The following SHISA9 variants were observed in gnomAD, a reference collection of about 807,000 sequenced individuals.
SHISA9 encodes protein shisa-9.
In SHISA9, 13 loss-of-function variants were observed where a neutral mutation model predicts 38.0. The observed-to-expected ratio is 0.34, with a 90% CI of 0.22 to 0.54. The LOEUF (loss-of-function observed/expected upper bound fraction) is 0.54. Among genes scored for constraint, SHISA9 ranks in the 20% least tolerant of loss-of-function variants. SHISA9 has a pLI of 0.91. For synonymous variants in SHISA9, 275 were observed against 242.0 expected (o/e 1.14, Z -1.27); for missense variants, 538 against 575.8 (o/e 0.93, Z 0.67).
At chr16:13,450,772 TTTGTTGTTGTTG>T in the SHISA9 span, among the ~76,000 whole-genome samples, 74 of 152,064 alleles carry the variant, frequency 4.9e-4, no homozygotes, top group African/African-American at 1.6e-3. Flanking sequence ...GTGTTGTTGT[TTTGTTGTTGTTG>T]TTGTTGTTGT....
At chr16:13,270,684 C>T in the SHISA9 span, among the ~76,000 whole-genome samples, 1 of 152,050 alleles carries the variant, frequency 6.6e-6, no homozygotes, top group Non-Finnish European at 1.5e-5. Flanking sequence ...AGCTGAAGAT[C>T]AATATCTGAA....
the SHISA9 span, among the ~76,000 whole-genome samples, chr16:13,494,510 A>G: frequency 7.9e-5 from 12 of 152,330 alleles, no homozygotes; most frequent in Admixed American, 2.0e-4. Context: ...ATAAATGAAA[A>G]GGAACGTTGC....
At chr16:13,051,054 C>T (rs1031093376) in intron 2 of SHISA9, among the ~76,000 whole-genome samples, 6 of 152,128 alleles carry the variant, frequency 3.9e-5, no homozygotes, top group African/African-American at 1.4e-4. Context: ...GTGAATATTC[C>T]TTGAGGTGAC....
At chr16:12,970,495 ATATTTTTTTTTTTTTTTTT>A (rs1179833094) in intron 2 of SHISA9, among the ~76,000 whole-genome samples, 1 of 24,642 alleles carries the variant, frequency 4.1e-5, no homozygotes, top group African/African-American at 1.5e-4. Flanking sequence ...ATATATATAT[ATATTTTTTTTTTTTTTTTT>A]TTTTTTTTTT....
chr16:12,951,689 T>A (rs2071759740), intron 2 of SHISA9, among the ~76,000 whole-genome samples: 1 of 152,152 alleles, frequency 6.6e-6, no homozygotes, highest in East Asian at 1.9e-4. Flanking sequence ...CACCAGTGTG[T>A]CCTCTATAGT....
rs557276646 is a variant in SHISA9, at chr16:13,065,930, A to G, written c.692-137464A>G. Among the ~76,000 whole-genome samples the G allele has an allele frequency of 3.3e-5, 5 of 152,344 alleles. 1 individual carries two copies. The highest frequency in any genetic ancestry group is 4.1e-4 in the South Asian group (2 of 4,832). On this transcript the variant is annotated intron_variant, in intron 2 of 4. Transcript: ENST00000558583. Reference sequence around the variant, plus strand: ...ATGAACTGTCTTTTATGCCAGGGTCATTAATAATTTATCCTAGTCACCTGG... The same window carrying G: ...ATGAACTGTCTTTTATGCCAGGGTCGTTAATAATTTATCCTAGTCACCTGG...
chr16:12,929,638 G>A (rs892741736), intron 2 of SHISA9, among the ~76,000 whole-genome samples: 26 of 152,092 alleles, frequency 1.7e-4, no homozygotes, highest in African/African-American at 4.8e-4. Context: ...GGGGCCTCTC[G>A]GGGGTTGGGA....
chr16:13,144,108 G>C (rs550085353), intron 2 of SHISA9, among the ~76,000 whole-genome samples: 24 of 150,022 alleles, frequency 1.6e-4, no homozygotes, highest in African/African-American at 5.4e-4. Context: ...AGATGAATTA[G>C]TGTAATATCC....
chr16:13,235,715 T>G lies in SHISA9; in HGVS notation c.*306T>G. 2.9e-6 allele frequency: 1 copy of G among 339,466 alleles called. No homozygotes were observed. Among genetic ancestry groups the G allele is most frequent in the East Asian group, 4.9e-5 (1 of 20,440 alleles). The allele number at this position is 339,466 out of a possible 1,614,324, so 21.0% of individuals were successfully genotyped here. ...AACTCACATGCCCAAACCGTGGGGC[T>G]GAGTTTTCTTTTCCTCCTAACTTGA... On this transcript the variant is annotated 3_prime_UTR_variant, in exon 5 of 5. Transcript: ENST00000558583.
intron 2 of SHISA9, among the ~76,000 whole-genome samples, chr16:13,112,574 C>T (rs975153434): frequency 6.6e-6 from 1 of 152,020 alleles, no homozygotes; most frequent in African/African-American, 2.4e-5. Context: ...TCTGAGCAAA[C>T]AAACTCAGGC....
chr16:13,482,638 G>A, the SHISA9 span, among the ~76,000 whole-genome samples: 1 of 151,708 alleles, frequency 6.6e-6, no homozygotes. Flanking sequence ...CATCTCTACA[G>A]AAAAGTAAAA....
chr16:13,306,776 A>G, the SHISA9 span, among the ~76,000 whole-genome samples: 3 of 152,314 alleles, frequency 2.0e-5, no homozygotes, highest in East Asian at 5.8e-4. Context: ...TAGACTCCTA[A>G]GTCATACACT....
intron 4 of SHISA9, among the ~76,000 whole-genome samples, chr16:13,221,213 A>C (rs905501250): frequency 6.6e-6 from 1 of 152,108 alleles, no homozygotes; most frequent in African/African-American, 2.4e-5. Context: ...GACCTGGTTC[A>C]TGTGCAGCCT....
At chr16:13,336,823 A>G in the SHISA9 span, among the ~76,000 whole-genome samples, 1 of 152,232 alleles carries the variant, frequency 6.6e-6, no homozygotes, top group East Asian at 1.9e-4. Context: ...CTCACCTATA[A>G]CACCATCAAA....
chr16:13,408,761 A>G, the SHISA9 span, among the ~76,000 whole-genome samples: 1 of 152,158 alleles, frequency 6.6e-6, no homozygotes, highest in Non-Finnish European at 1.5e-5. Flanking sequence ...TACAGTTCCC[A>G]TTGCAATACC....
chr16:13,152,272 A>C (rs2050506327), intron 2 of SHISA9, among the ~76,000 whole-genome samples: 1 of 152,122 alleles, frequency 6.6e-6, no homozygotes. Context: ...TCTGTCCTCC[A>C]TACAAGTCAG....
chr16:13,022,954 A>T (rs1177172340), intron 2 of SHISA9, among the ~76,000 whole-genome samples: 2 of 152,178 alleles, frequency 1.3e-5, no homozygotes, highest in Non-Finnish European at 2.9e-5. Flanking sequence ...ATCCAGGATG[A>T]TGTCATCTTG....
At chr16:13,520,603 C>CA in the SHISA9 span, among the ~76,000 whole-genome samples, 25,631 of 56,010 alleles carry the variant, frequency 0.46, 5,460 homozygotes, top group Non-Finnish European at 0.5. Flanking sequence ...AACTCTGTCT[C>CA]AAAAAAAAAA....
chr16:13,160,160 A>T, intron 2 of SHISA9, among the ~76,000 whole-genome samples: 1 of 152,208 alleles, frequency 6.6e-6, no homozygotes. Flanking sequence ...AGAGAGTTCC[A>T]GGTGGAAGGA....
Sources: allele counts gnomAD v4.1 joint callset (sites outside exome capture counted in the v4.1 genomes callset), GRCh38; gene constraint gnomAD v4.1.1; transcripts MANE v1.5; gene names NCBI Gene and HGNC (gene_info 2026-07-23, HGNC 2026-07-21).